PCDH15: variants seen among roughly 807,000 people sequenced by gnomAD.
PCDH15 encodes protocadherin related 15.
In PCDH15, 129 loss-of-function variants were observed where a neutral mutation model predicts 178.5. The observed-to-expected ratio is 0.72, with a 90% CI of 0.63 to 0.84. The LOEUF is 0.84. Among genes scored for constraint, PCDH15 ranks in the 40% least tolerant of loss-of-function variants. The pLI, the probability that PCDH15 is intolerant of heterozygous loss-of-function variation, is 0.00. For missense variants in PCDH15, 2,230 were observed against 2,099.9 expected, an observed-to-expected ratio of 1.06 and a Z score of -1.21; for synonymous variants, 800 against 732.0, an observed-to-expected ratio of 1.09 and a Z score of -1.50.
At chr10:54,366,410 C>G (rs1946799397) in intron 5 of PCDH15, among the ~76,000 whole-genome samples, 1 of 151,964 alleles carries the variant, frequency 6.6e-6, no homozygotes. Context: ...CAATCTTGCA[C>G]AGAATAAAAC....
At chr10:54,891,275 A>G (rs1564608009) in intron 3 of PCDH15, among the ~76,000 whole-genome samples, 1 of 152,090 alleles carries the variant, frequency 6.6e-6, no homozygotes, top group Non-Finnish European at 1.5e-5. Context: ...AAATAGGCAA[A>G]TTCTATCTTC....
intron 1 of PCDH15, among the ~76,000 whole-genome samples, chr10:55,235,087 G>GA (rs5785124): frequency 0.43 from 64,849 of 151,560 alleles, 13,975 homozygotes; most frequent in South Asian, 0.48. Context: ...GGAAAGAAGT[G>GA]AAAAAATAAG....
At chr10:54,116,990 C>T (rs939577520) in intron 15 of PCDH15, among the ~76,000 whole-genome samples, 2 of 152,126 alleles carry the variant, frequency 1.3e-5, no homozygotes, top group African/African-American at 4.8e-5. Flanking sequence ...TACTGAAGTA[C>T]AAGTATCACA....
At chr10:54,172,303 G>C (rs529971382) in intron 13 of PCDH15, among the ~76,000 whole-genome samples, 1 of 151,344 alleles carries the variant, frequency 6.6e-6, no homozygotes, top group Admixed American at 6.6e-5. Flanking sequence ...AGCACCTTGC[G>C]ACCCCCGACT....
chr10:55,516,673 C>T (rs888688365), intron 2 of PCDH15, among the ~76,000 whole-genome samples: 5 of 151,948 alleles, frequency 3.3e-5, no homozygotes, highest in South Asian at 4.1e-4. Flanking sequence ...AATCAATTGG[C>T]GAGAAGAAGG....
chr10:54,009,356 C>T (rs950773020), intron 20 of PCDH15, among the ~76,000 whole-genome samples: 4 of 151,336 alleles, frequency 2.6e-5, no homozygotes, highest in Admixed American at 2.6e-4. Context: ...TAAAACTCTC[C>T]CAACAGGTTT....
At chr10:54,619,655 G>A (rs1269402807) in intron 2 of PCDH15, among the ~76,000 whole-genome samples, 1 of 152,048 alleles carries the variant, frequency 6.6e-6, no homozygotes, top group Non-Finnish European at 1.5e-5. Flanking sequence ...CTTTGCAAAA[G>A]TGACTTCAAG....
intron 25 of PCDH15, among the ~76,000 whole-genome samples, chr10:53,935,354 G>A (rs1191438288): frequency 1.3e-5 from 2 of 151,994 alleles, no homozygotes; most frequent in African/African-American, 4.8e-5. Context: ...TTATTAAGAG[G>A]GATAAAACAA....
At chr10:55,626,042 G>A (rs1837519400) in intron 2 of PCDH15, among the ~76,000 whole-genome samples, 1 of 152,038 alleles carries the variant, frequency 6.6e-6, no homozygotes. Context: ...ACCCAACTGT[G>A]AGCTGCCCTA....
intron 3 of PCDH15, among the ~76,000 whole-genome samples, chr10:54,876,622 C>T (rs1358722385): frequency 6.6e-6 from 1 of 152,038 alleles, no homozygotes; most frequent in Admixed American, 6.6e-5. Context: ...TTCAAAACGT[C>T]AATGGAGGAA....
At chr10:54,901,475 T>C (rs1035419382) in intron 2 of PCDH15, among the ~76,000 whole-genome samples, 4 of 152,186 alleles carry the variant, frequency 2.6e-5, no homozygotes, top group Non-Finnish European at 5.9e-5. Flanking sequence ...TATCATCTGG[T>C]GGCAATATAC....
At chr10:54,002,057 A>G (rs1174925554) in intron 20 of PCDH15, among the ~76,000 whole-genome samples, 1 of 36,562 alleles carries the variant, frequency 2.7e-5, no homozygotes. Context: ...ATATATGTAT[A>G]TATATACATG....
rs1840962736 is a variant in PCDH15 at position 55,045,036 on chromosome 10, T to TGTAAAAA, written c.-80+121539_-80+121540insTTTTTAC. On this transcript the variant is annotated intron_variant, in intron 2 of 5. Transcript: ENST00000458638. ...ACCATACTCATTCTGTAAACACATC[T>TGTAAAAA]CAAGTGATACATTTTTACAAAATCT... Among the ~76,000 whole-genome samples the TGTAAAAA allele has an allele frequency of 2.0e-5, 3 of 152,106 alleles. 1 individual carries two copies. Among genetic ancestry groups the TGTAAAAA allele is most frequent in the African/African-American group, 7.2e-5 (3 of 41,444 alleles).
chr10:53,889,567 G>A (rs760687108), intron 26 of PCDH15, among the ~76,000 whole-genome samples: 3 of 151,964 alleles, frequency 2.0e-5, no homozygotes, highest in Non-Finnish European at 4.4e-5. Flanking sequence ...ATCAAATTGT[G>A]AAGCAACTGA....
At position 54,779,410 on chromosome 10, in the gene PCDH15, A is replaced by ATATATATATACACACACATATATGTG. The variant is rs1566220680; in HGVS notation, c.-29+21514_-29+21515insCACATATATGTGTGTGTATATATATA. Among the ~76,000 whole-genome samples the ATATATATATACACACACATATATGTG allele has an allele frequency of 2.1e-4, 22 of 105,986 alleles. 1 individual carries two copies. The highest frequency in any genetic ancestry group is 6.9e-4 in the African/African-American group (19 of 27,342). 69.5% of individuals were successfully genotyped at this position (105,986 alleles called of 152,430 possible). On this transcript the variant is annotated intron_variant, in intron 1 of 37. Coordinates refer to ENST00000644397, the MANE Select transcript of PCDH15 (RefSeq NM_001384140.1). ...TCTCTCTCTCTATATATATATGTAT[A>ATATATATATACACACACATATATGTG]TATATATATATACACACACATATGT... is the stretch of plus-strand genomic sequence containing the variant.
At chr10:54,805,620 C>G (rs1057353226), upstream of PCDH15, among the ~76,000 whole-genome samples, 3 of 151,966 alleles carry the variant, frequency 2.0e-5, no homozygotes, top group Admixed American at 1.3e-4. Context: ...CTTTTTTTAA[C>G]CCTAGCACTT....
chr10:54,005,792 A>G (rs534353096), intron 20 of PCDH15, among the ~76,000 whole-genome samples: 1 of 152,234 alleles, frequency 6.6e-6, no homozygotes, highest in East Asian at 1.9e-4. Flanking sequence ...ACGATCCAGA[A>G]ATCCCACTAC....
chr10:54,136,871 C>A (rs1205778285), intron 14 of PCDH15, among the ~76,000 whole-genome samples: 1 of 152,120 alleles, frequency 6.6e-6, no homozygotes, highest in African/African-American at 2.4e-5. Flanking sequence ...TTGTGTTCCC[C>A]CACCCCCTTG....
chr10:55,503,054 T>A (rs1426403381), intron 2 of PCDH15, among the ~76,000 whole-genome samples: 1 of 151,550 alleles, frequency 6.6e-6, no homozygotes, highest in Non-Finnish European at 1.5e-5. Context: ...CATTAGTTTT[T>A]ATAGGAAACC....
Sources: allele counts gnomAD v4.1 joint callset (sites outside exome capture counted in the v4.1 genomes callset), GRCh38; gene constraint gnomAD v4.1.1; transcripts MANE v1.5; gene names NCBI Gene and HGNC (gene_info 2026-07-23, HGNC 2026-07-21).